The following NCK2 variants were observed in gnomAD, a reference collection of about 807,000 sequenced individuals.
NCK2 encodes cytoplasmic protein NCK2.
Under a neutral mutation model 33.9 loss-of-function variants are expected in NCK2, and 16 were observed. That is an observed-to-expected ratio of 0.47 (90% CI 0.32 to 0.72). The LOEUF (loss-of-function observed/expected upper bound fraction) is 0.72, where lower values mean the gene tolerates loss of function less well. Ranked by LOEUF, NCK2 falls within the 30% of genes least tolerant of loss-of-function variation. The probability of loss-of-function intolerance (pLI) is 0.03; values close to 1 mark genes in which losing one functional copy is unlikely to be tolerated. For synonymous variants in NCK2, 273 were observed against 239.9 expected, an observed-to-expected ratio of 1.14 and a Z score of -1.27; for missense variants, 418 against 537.3, an observed-to-expected ratio of 0.78 and a Z score of 2.19.
intron 1 of NCK2, among the ~76,000 whole-genome samples, chr2:105,799,227 A>G (rs1052641313): frequency 1.3e-5 from 2 of 151,342 alleles, no homozygotes; most frequent in African/African-American, 4.8e-5. Context: ...ATGTAGTTGA[A>G]TTCATCCCTC....
In NCK2 at chr2:105,835,389, A is replaced by ATATATATATACATATATATATGTATG. The variant is rs1676361844; in HGVS notation, c.-17+18786_-17+18787insCATATATATATGTATGTATATATATA. Among the ~76,000 whole-genome samples, 45 of 15,178 alleles carry ATATATATATACATATATATATGTATG rather than the reference A, an allele frequency of 3.0e-3. 1 individual carries two copies. The highest frequency in any genetic ancestry group is 7.6e-3 in the East Asian group (3 of 396). 10.0% of individuals were successfully genotyped at this position (15,178 alleles called of 152,430 possible). ...TATATATATATACATATATATACACATATATATATATATATACGTGTATAT... is the reference window on the plus strand; with the variant it reads ...TATATATATATACATATATATACACATATATATATACATATATATATGTATGTATATATATATATATACGTGTATAT... On this transcript the variant is annotated intron_variant, in intron 2 of 4. Coordinates refer to ENST00000233154, the MANE Select transcript of NCK2 (RefSeq NM_003581.5).
At chr2:105,882,528 G>A (rs921524433) in intron 4 of NCK2, among the ~76,000 whole-genome samples, 2 of 152,174 alleles carry the variant, frequency 1.3e-5, no homozygotes, top group African/African-American at 4.8e-5. Flanking sequence ...CATTGCCACG[G>A]CAGGCAGCGC....
At chr2:105,749,490 G>A (rs538385430) in intron 1 of NCK2, among the ~76,000 whole-genome samples, 3 of 152,308 alleles carry the variant, frequency 2.0e-5, no homozygotes, top group African/African-American at 7.2e-5. Context: ...GGTGCACTTG[G>A]TTCTGGCCCT....
intron 1 of NCK2, among the ~76,000 whole-genome samples, chr2:105,807,232 C>T (rs1456142293): frequency 3.3e-5 from 5 of 152,186 alleles, no homozygotes; most frequent in African/African-American, 9.7e-5. Flanking sequence ...GACGCACCTG[C>T]GTGGGAAGGG....
chr2:105,782,457 G>A (rs914057740), intron 1 of NCK2, among the ~76,000 whole-genome samples: 1 of 152,180 alleles, frequency 6.6e-6, no homozygotes, highest in Non-Finnish European at 1.5e-5. Context: ...TATAATGAAC[G>A]CTCTTTTCTT....
intron 4 of NCK2, among the ~76,000 whole-genome samples, chr2:105,884,837 C>T (rs549000308): frequency 1.2e-4 from 18 of 152,270 alleles, no homozygotes; most frequent in Admixed American, 2.6e-4. Flanking sequence ...CTACAATTGT[C>T]ATTTATCCTT....
chr2:105,874,133 CTTAAG>C (rs1354353638), intron 3 of NCK2, among the ~76,000 whole-genome samples: 4 of 152,148 alleles, frequency 2.6e-5, no homozygotes, highest in Non-Finnish European at 4.4e-5. Flanking sequence ...TCAAAAAATC[CTTAAG>C]TTGAGTGAAT....
In NCK2 at chr2:105,893,360, C is replaced by T; in HGVS notation, c.*184C>T. The T allele has an allele frequency of 1.7e-6, 1 of 581,922 alleles. No homozygotes were observed. The highest frequency in any genetic ancestry group is 3.0e-6 in the Non-Finnish European group (1 of 334,696). 36.0% of individuals were successfully genotyped at this position (581,922 alleles called of 1,614,324 possible). A position where few individuals can be genotyped will look rare whatever the true frequency, so the allele number is the denominator to read the frequency against. On this transcript the variant is annotated 3_prime_UTR_variant, in exon 5 of 5. Transcript: ENST00000233154. ...CCAGGCCTCACACCCACACTCGAGC[C>T]CACCCGGCCGGCCAGCTTTAGAGGA...
intron 2 of NCK2, among the ~76,000 whole-genome samples, chr2:105,844,745 G>A (rs972175470): frequency 6.6e-5 from 4 of 61,008 alleles, no homozygotes; most frequent in Non-Finnish European, 9.1e-5. Flanking sequence ...GGGGCGGGGG[G>A]GGATATATAT....
chr2:105,835,998 T>G (rs1676419556), intron 2 of NCK2, among the ~76,000 whole-genome samples: 1 of 151,060 alleles, frequency 6.6e-6, no homozygotes. Flanking sequence ...GTTGAATTTC[T>G]CCATGAATTC....
intron 1 of NCK2, among the ~76,000 whole-genome samples, chr2:105,750,728 C>G (rs1199496517): frequency 6.6e-6 from 1 of 152,244 alleles, no homozygotes; most frequent in Non-Finnish European, 1.5e-5. Context: ...AACTTCTCTT[C>G]AACTTAGGTA....
intron 1 of NCK2, among the ~76,000 whole-genome samples, chr2:105,756,497 T>C (rs987541981): frequency 6.6e-6 from 1 of 152,244 alleles, no homozygotes; most frequent in Non-Finnish European, 1.5e-5. Context: ...CATTTGATTC[T>C]AACTTTGTCA....
intron 1 of NCK2, among the ~76,000 whole-genome samples, chr2:105,751,012 C>A (rs990963533): frequency 5.3e-5 from 8 of 152,170 alleles, no homozygotes; most frequent in African/African-American, 1.9e-4. Flanking sequence ...TGACCTAGGC[C>A]ATTTTGCCTT....
intron 3 of NCK2, among the ~76,000 whole-genome samples, chr2:105,873,417 C>T (rs1178510885): frequency 6.6e-6 from 1 of 152,150 alleles, no homozygotes. Context: ...CATTATTACT[C>T]CTGCAGTAAA....
rs1677175252 is a variant in NCK2 at position 105,854,264 on chromosome 2, A to G, written c.-16-784A>G. ...ATGTATCTATAAACTGTGTCCTACT[A>G]AAGGACATTTTGCTTGCTTCCAAAT... On this transcript the variant is annotated intron_variant, in intron 2 of 4. Coordinates refer to ENST00000233154, the MANE Select transcript of NCK2 (RefSeq NM_003581.5). Among the ~76,000 whole-genome samples, 3 of 152,196 alleles carry G rather than the reference A, an allele frequency of 2.0e-5. No homozygotes were observed. The South Asian group carries it at 6.2e-4, about 32-fold the overall frequency.
chr2:105,854,297 A>G (rs895848310), intron 2 of NCK2, among the ~76,000 whole-genome samples: 8 of 152,226 alleles, frequency 5.3e-5, no homozygotes, highest in African/African-American at 1.9e-4. Flanking sequence ...AATTTGAGCA[A>G]TTATGAATAA....
At chr2:105,858,048 T>G (rs575092096) in intron 3 of NCK2, among the ~76,000 whole-genome samples, 81 of 107,170 alleles carry the variant, frequency 7.6e-4, no homozygotes, top group South Asian at 3.4e-3. Context: ...TTTTTTGGGG[T>G]TTTTTTTTTG....
chr2:105,771,122 C>T (rs533439037), intron 1 of NCK2, among the ~76,000 whole-genome samples: 115 of 152,186 alleles, frequency 7.6e-4, no homozygotes, highest in Non-Finnish European at 1.3e-3. Flanking sequence ...CGGGGTTTCA[C>T]TCTGTTAGCC....
intron 3 of NCK2, among the ~76,000 whole-genome samples, chr2:105,877,017 C>T (rs147706392): frequency 2.9e-4 from 44 of 152,226 alleles, no homozygotes; most frequent in Middle Eastern, 6.8e-3. Flanking sequence ...TGCCACCTGG[C>T]GGGGTCACAG....
Sources: gnomAD v4.1 joint callset for allele counts (sites outside exome capture counted in the v4.1 genomes callset) on GRCh38, gnomAD v4.1.1 for gene constraint, MANE v1.5 for transcripts, NCBI Gene and HGNC (gene_info 2026-07-23, HGNC 2026-07-21) for gene names.